PIGZ: variants seen among roughly 807,000 people sequenced by gnomAD.
PIGZ encodes phosphatidylinositol glycan anchor biosynthesis class Z (Gwada blood group).
A neutral mutation model predicts 16.4 loss-of-function variants in PIGZ; 16 were observed. The ratio of observed to expected loss-of-function variants is 0.97; its 90% CI spans 0.66 to 1.48. The LOEUF (loss-of-function observed/expected upper bound fraction) is 1.48. Among genes scored for constraint, PIGZ ranks in the 40% most tolerant of loss-of-function variants. The pLI, the probability that PIGZ is intolerant of heterozygous loss-of-function variation, is 0.00. For missense variants in PIGZ, 770 were observed against 739.2 expected (o/e 1.04, Z -0.48); for synonymous variants, 409 against 338.4 (o/e 1.21, Z -2.29).
rs1717603435 is a variant in PIGZ at position 196,958,898 on chromosome 3, G to C, written c.1-6867C>G. 2.6e-5 allele frequency among the ~76,000 whole-genome samples: 4 copies of C among 152,174 alleles called. No homozygotes were observed. In the South Asian group the frequency reaches 8.3e-4, roughly 32 times the overall value. On this transcript the variant is annotated intron_variant, in intron 1 of 2. Transcript: ENST00000412723. ...GGATCCTTCTGGTCATGATTTGGGGGAGGGGGGCAGGAAACATGAGGGGAT... is the reference window on the plus strand; with the variant it reads ...GGATCCTTCTGGTCATGATTTGGGGCAGGGGGGCAGGAAACATGAGGGGAT...
At chr3:196,951,763 T>G in intron 2 of PIGZ, 58 bp downstream of exon 2, 2 of 1,561,260 alleles carry the variant, frequency 1.3e-6, no homozygotes, top group Non-Finnish European at 1.8e-6. Context: ...AAGTCTCCCG[T>G]CAGCTTCTCA....
In PIGZ at chr3:196,965,016, A is replaced by ACACAGGGCAGCCCAAAAGAACTCAT. The variant is rs1400353848; in HGVS notation, c.-1+3646_-1+3670dup. ...CGTTAGGCTTCTGTACCTGCTTCAA[A>ACACAGGGCAGCCCAAAAGAACTCAT]CACAGGGCAGCCCAAAAGAACTCAT... On this transcript the variant is annotated intron_variant, in intron 1 of 2. Coordinates refer to ENST00000412723, the MANE Select transcript of PIGZ (RefSeq NM_025163.4). The surrounding 1 kb of genome is among the most constrained non-coding windows in gnomAD (Gnocchi z 4.2). 1.3e-5 allele frequency among the ~76,000 whole-genome samples: 2 copies of ACACAGGGCAGCCCAAAAGAACTCAT among 152,182 alleles called. No individual in the cohort carries two copies. The highest frequency in any genetic ancestry group is 2.9e-5 in the Non-Finnish European group (2 of 68,034).
At chr3:196,951,719 C>T (rs1717289396) in intron 2 of PIGZ, 102 bp downstream of exon 2, 5 of 1,110,088 alleles carry the variant, frequency 4.5e-6, no homozygotes, top group Non-Finnish European at 6.6e-6. Context: ...GGATTTACTA[C>T]TCATCTACCC....
At chr3:196,952,422 C>A (rs1399562472) in intron 1 of PIGZ, among the ~76,000 whole-genome samples, 1 of 152,036 alleles carries the variant, frequency 6.6e-6, no homozygotes, top group Non-Finnish European at 1.5e-5. Flanking sequence ...GAGAGATTAG[C>A]CTTTGTTGTG....
rs561355033 is a variant in PIGZ, at chr3:196,965,418, C to T, written c.-1+3269G>A. On this transcript the variant is annotated intron_variant, in intron 1 of 2. Transcript: ENST00000412723. The surrounding 1 kb of genome is among the most constrained non-coding windows in gnomAD (Gnocchi z 4.2). ...ACCCCATGATCCGATCCTCTCCCAC[C>T]GGGTCTTTCCCTCAACACTTGGGGA... Among the ~76,000 whole-genome samples the T allele has an allele frequency of 2.7e-4, 41 of 152,260 alleles. No homozygotes were observed. Among genetic ancestry groups the T allele is most frequent in the African/African-American group, 8.9e-4 (37 of 41,550 alleles).
Position 196,947,169 on chromosome 3 carries a change from C to G in PIGZ, c.1728G>C (p.Gly576=), listed in dbSNP as rs1182574661. The G allele has an allele frequency of 6.4e-7, 1 of 1,550,530 alleles. No individual in the cohort carries two copies. Among genetic ancestry groups the G allele is most frequent in the Admixed American group, 1.9e-5 (1 of 53,000 alleles). ...CTCTGTCATATTGTCAGGTTTCTTCCCCCAGCTCCACAATGTGAAGACTGA... is the reference window on the plus strand; with the variant it reads ...CTCTGTCATATTGTCAGGTTTCTTCGCCCAGCTCCACAATGTGAAGACTGA... ...DHLSLHIVEL[G]EET Residue 576 remains glycine (G), a synonymous_variant, in exon 3 of 3, where the codon GGG becomes GGC. Coordinates refer to ENST00000412723, the MANE Select transcript of PIGZ (RefSeq NM_025163.4).
At chr3:196,948,861 T>C (rs60553578) in intron 2 of PIGZ, among the ~76,000 whole-genome samples, 176 bp from the exon 3 acceptor site, 10,557 of 63,684 alleles carry the variant, frequency 0.17, 1,543 homozygotes, top group East Asian at 0.54. Flanking sequence ...TTCTTTCCCT[T>C]CCTTCCCTTC....
At chr3:196,954,663 G>T (rs963905003) in intron 1 of PIGZ, among the ~76,000 whole-genome samples, 5 of 152,116 alleles carry the variant, frequency 3.3e-5, no homozygotes, top group Non-Finnish European at 5.9e-5. Flanking sequence ...AGTGTTGAAG[G>T]CCACACAGTT....
In PIGZ at chr3:196,965,760, C is replaced by T. The variant is rs1717900109; in HGVS notation, c.-1+2927G>A. On this transcript the variant is annotated intron_variant, in intron 1 of 2. Coordinates refer to ENST00000412723, the MANE Select transcript of PIGZ (RefSeq NM_025163.4). The surrounding 1 kb of genome is among the most constrained non-coding windows in gnomAD (Gnocchi z 4.2). Reference sequence around the variant, plus strand: ...GTTGTTTCTGTTTGCAAACAGCCCCCTCCTTTGTTAACCAGTGTGTCATAT... The same window carrying T: ...GTTGTTTCTGTTTGCAAACAGCCCCTTCCTTTGTTAACCAGTGTGTCATAT... 6.6e-6 allele frequency among the ~76,000 whole-genome samples: 1 copy of T among 152,122 alleles called. No individual in the cohort carries two copies. The highest frequency in any genetic ancestry group is 1.5e-5 in the Non-Finnish European group (1 of 68,030).
At chr3:196,955,882 T>G (rs1717466579) in intron 1 of PIGZ, among the ~76,000 whole-genome samples, 1 of 151,954 alleles carries the variant, frequency 6.6e-6, no homozygotes, top group Non-Finnish European at 1.5e-5. Flanking sequence ...CCCGGCCAAT[T>G]TAGGGTTATT....
chr3:196,960,255 C>T (rs1717655759), intron 1 of PIGZ, among the ~76,000 whole-genome samples: 1 of 152,222 alleles, frequency 6.6e-6, no homozygotes, highest in South Asian at 2.1e-4. Flanking sequence ...ATTTTTACTA[C>T]CTATTTGCCT....
chr3:196,947,489 G>A lies in PIGZ; in HGVS notation c.1408C>T (p.Arg470Trp), dbSNP rs200263090. ...LLFTHTYMPP[R>W]HLLHLPGLGA... ...AGGCCTGGGAGGTGTAGGAGGTGCC[G>A]GGGGGGCATGTAGGTGTGAGTGAAG... The change falls in exon 3 of 3, where the codon CGG becomes TGG. Residue 470 changes from arginine (R) to tryptophan (W), a missense_variant. By Grantham distance (101) the Arg-to-Trp change is moderately radical. Transcript: ENST00000412723. 213 of 1,613,020 alleles carry A rather than the reference G, an allele frequency of 1.3e-4. No homozygotes were observed. The highest frequency in any genetic ancestry group is 1.7e-4 in the Non-Finnish European group (204 of 1,179,740).
chr3:196,947,607 C>T lies in PIGZ; in HGVS notation c.1290G>A (p.Leu430=). Residue 430 remains leucine (L), a synonymous_variant, in exon 3 of 3, where the codon CTG becomes CTA. Transcript: ENST00000412723. The part of the protein sequence containing the change: ...NALGALLFGC[L]HQGGLVPGLE... ...GGCCAGGCACCAGGCCCCCCTGATG[C>T]AGGCAGCCGAAGAGGAGGGCACCGA... 2.5e-6 allele frequency: 4 copies of T among 1,613,516 alleles called. No individual in the cohort carries two copies. Among genetic ancestry groups the T allele is most frequent in the Non-Finnish European group, 3.4e-6 (4 of 1,179,690 alleles).
At position 196,951,991 on chromosome 3, in the gene PIGZ, C is replaced by G. The variant is rs745577259; in HGVS notation, c.41G>C (p.Gly14Ala). 2 of 1,614,136 alleles carry G rather than the reference C, an allele frequency of 1.2e-6. No homozygotes were observed. Residue 14 changes from glycine (G) to alanine (A), a missense_variant, in exon 2 of 3, where the codon GGG (glycine) becomes GCG (alanine). Transcript: ENST00000412723. ...CGSSVASVAA[G>A]TSFQVLGPVC... is the part of the protein sequence containing the mutation. Reference sequence around the variant, plus strand: ...CGGGCCCAAAACCTGGAATGATGTCCCAGCTGCTACAGATGCTACGCTGGA... The same window carrying G: ...CGGGCCCAAAACCTGGAATGATGTCGCAGCTGCTACAGATGCTACGCTGGA...
rs183277731 is a variant in PIGZ at position 196,955,951 on chromosome 3, T to C, written c.1-3920A>G. 4.2e-3 allele frequency among the ~76,000 whole-genome samples: 635 copies of C among 152,224 alleles called. 2 individuals are homozygous for C. Among genetic ancestry groups the C allele is most frequent in the Non-Finnish European group, 5.4e-3 (369 of 68,030 alleles). ...GTTTTCTTGTCTTGTTTTTTCAATT[T>C]TTTTTGTCCTTTCTTGCCTTCTTTT... On this transcript the variant is annotated intron_variant, in intron 1 of 2. Transcript: ENST00000412723.
In PIGZ at chr3:196,948,471, C is replaced by A; in HGVS notation, c.426G>T (p.Gly142=). Residue 142 remains glycine (G), a synonymous_variant, in exon 3 of 3, where the codon GGG becomes GGT. Transcript: ENST00000412723. ...TCGGCGGGGCCAGGTGGTACACGGC[C>A]CCGTCCAGAGCAAAGGAAAGGGCAG... ...LLTALSFALD[G]AVYHLAPPMG... 3.1e-6 allele frequency: 5 copies of A among 1,613,872 alleles called. No individual in the cohort carries two copies. The highest frequency in any genetic ancestry group is 4.2e-6 in the Non-Finnish European group (5 of 1,179,918).
Position 196,946,624 on chromosome 3 carries a change from C to T in PIGZ, c.*533G>A, listed in dbSNP as rs1716888249. The T allele has an allele frequency of 6.6e-6, 1 of 152,404 alleles. No individual in the cohort carries two copies. Among genetic ancestry groups the T allele is most frequent in the Non-Finnish European group, 1.5e-5 (1 of 68,184 alleles). The allele number at this position is 152,404 out of a possible 1,614,324, so 9.4% of individuals were successfully genotyped here. On this transcript the variant is annotated 3_prime_UTR_variant, in exon 3 of 3. Coordinates refer to ENST00000412723, the MANE Select transcript of PIGZ (RefSeq NM_025163.4). ...TGGAAGGAGCTTTCTCAAGATCACA[C>T]AGCGAGGAGGTGACAGACCAAGGGG...
rs1028880498 is a variant in PIGZ, at chr3:196,948,894, C to A, written c.212-209G>T. ...TTCCTTCCTTCCCTTCCTTCCCCTT[C>A]CTTCCCTTCCCCTCCCCTCCCTTCC... On this transcript the variant is annotated intron_variant, in intron 2 of 2. Coordinates refer to ENST00000412723, the MANE Select transcript of PIGZ (RefSeq NM_025163.4). Among the ~76,000 whole-genome samples, 200 of 70,764 alleles carry A rather than the reference C, an allele frequency of 2.8e-3. 34 individuals carry two copies. The highest frequency in any genetic ancestry group is 0.016 in the African/African-American group (186 of 11,938). The allele number at this position is 70,764 out of a possible 152,430, so 46.4% of individuals were successfully genotyped here. A position where few individuals can be genotyped will look rare whatever the true frequency, so the allele number is the denominator to read the frequency against.
chr3:196,951,333 A>G (rs1485047481), intron 2 of PIGZ, among the ~76,000 whole-genome samples: 1 of 152,176 alleles, frequency 6.6e-6, no homozygotes, highest in Non-Finnish European at 1.5e-5. Flanking sequence ...CCTTTGGGCG[A>G]GACGGTATGG....
Sources: gnomAD v4.1 joint callset for allele counts (sites outside exome capture counted in the v4.1 genomes callset) on GRCh38, gnomAD v4.1.1 for gene constraint, Gnocchi (gnomAD v3.1) non-coding constraint, MANE v1.5 for transcripts, NCBI Gene and HGNC (gene_info 2026-07-23, HGNC 2026-07-21) for gene names.